Variants in RNF150 observed in about 807,000 individuals in gnomAD.
RNF150 encodes ring finger protein 150.
A neutral mutation model predicts 39.3 loss-of-function variants in RNF150; 24 were observed. That is an observed-to-expected ratio of 0.61 (90% CI 0.44 to 0.86). The LOEUF is 0.86. Among genes scored for constraint, RNF150 ranks in the 40% least tolerant of loss-of-function variants. The pLI, the probability that RNF150 is intolerant of heterozygous loss-of-function variation, is 0.00. For missense variants in RNF150, 502 were observed against 587.8 expected (o/e 0.85, Z 1.51); for synonymous variants, 255 against 227.3 (o/e 1.12, Z -1.10).
chr4:141,170,258 T>A (rs913630864), intron 1 of RNF150, among the ~76,000 whole-genome samples: 6 of 152,216 alleles, frequency 3.9e-5, no homozygotes, highest in Non-Finnish European at 5.9e-5. Context: ...TGACGAATGC[T>A]CTTTGGACCA....
intron 1 of RNF150, among the ~76,000 whole-genome samples, chr4:141,175,266 T>G (rs947266534): frequency 6.6e-6 from 1 of 152,206 alleles, no homozygotes; most frequent in South Asian, 2.1e-4. Flanking sequence ...TTTGTTGAGC[T>G]CCTATTATAT....
chr4:140,945,583 AC>A (rs1223445856), intron 4 of RNF150, among the ~76,000 whole-genome samples: 14 of 148,194 alleles, frequency 9.4e-5, no homozygotes, highest in East Asian at 1.9e-4. Flanking sequence ...ACATATATAT[AC>A]TACATATATA....
chr4:141,054,664 T>C (rs73851903), intron 1 of RNF150, among the ~76,000 whole-genome samples: 2,004 of 152,230 alleles, frequency 0.013, 44 homozygotes, highest in African/African-American at 0.046. Flanking sequence ...TACAAGTTAA[T>C]GTGCTGATGG....
At chr4:140,958,422 G>C (rs571627133) in intron 2 of RNF150, among the ~76,000 whole-genome samples, 1 of 152,192 alleles carries the variant, frequency 6.6e-6, no homozygotes, top group Non-Finnish European at 1.5e-5. Flanking sequence ...CCTGGGTTAG[G>C]TCTCTGCACC....
rs1162955483 is a variant in RNF150 at position 140,861,876 on chromosome 4, GC to G, written c.*6384del. 6.6e-6 allele frequency: 1 copy of G among 152,118 alleles called. No homozygotes were observed. Among genetic ancestry groups the G allele is most frequent in the African/African-American group, 2.4e-5 (1 of 41,418 alleles). 9.4% of individuals were successfully genotyped at this position (152,118 alleles called of 1,614,324 possible). On this transcript the variant is annotated 3_prime_UTR_variant, in exon 7 of 7. Transcript: ENST00000515673. ...ACTTTAAAGATGGTGTGGTACTAAG[GC>G]CACAATTCATTTTTTAGATTTCGGG...
chr4:141,009,635 T>C (rs1289986338), intron 1 of RNF150, among the ~76,000 whole-genome samples: 1 of 152,214 alleles, frequency 6.6e-6, no homozygotes, highest in African/African-American at 2.4e-5. Flanking sequence ...CTACCCATTG[T>C]CATCCTATTT....
At chr4:140,940,519 C>T (rs1318087928) in intron 4 of RNF150, among the ~76,000 whole-genome samples, 1 of 151,828 alleles carries the variant, frequency 6.6e-6, no homozygotes, top group Non-Finnish European at 1.5e-5. Flanking sequence ...CATGGAAAAC[C>T]CATGTTTATT....
At chr4:140,977,223 G>A (rs554478814) in intron 1 of RNF150, among the ~76,000 whole-genome samples, 1 of 152,196 alleles carries the variant, frequency 6.6e-6, no homozygotes, top group East Asian at 1.9e-4. Context: ...CTGCATCTGT[G>A]CCTCCTTCTC....
chr4:141,211,097 G>GA (rs1469906865), intron 1 of RNF150, among the ~76,000 whole-genome samples: 1 of 152,124 alleles, frequency 6.6e-6, no homozygotes, highest in Non-Finnish European at 1.5e-5. Context: ...GTATATGAAA[G>GA]AAAAACCACC....
chr4:141,151,135 G>A (rs937976617), intron 1 of RNF150, among the ~76,000 whole-genome samples: 4 of 151,686 alleles, frequency 2.6e-5, no homozygotes, highest in Non-Finnish European at 4.4e-5. Flanking sequence ...TAGAGGATGG[G>A]GTCTCATTTT....
intron 1 of RNF150, among the ~76,000 whole-genome samples, chr4:141,008,862 C>CTTT (rs1389010719): frequency 1.3e-5 from 2 of 152,102 alleles, no homozygotes; most frequent in Non-Finnish European, 2.9e-5. Context: ...TCTTCTTCTT[C>CTTT]TTCAGCATTA....
chr4:140,919,959 G>T (rs1731036202), intron 5 of RNF150, among the ~76,000 whole-genome samples: 1 of 152,114 alleles, frequency 6.6e-6, no homozygotes. Context: ...TTTAATAAAT[G>T]GTGCTGGGAA....
At chr4:141,002,736 C>G (rs1399352266) in intron 1 of RNF150, among the ~76,000 whole-genome samples, 1 of 152,152 alleles carries the variant, frequency 6.6e-6, no homozygotes, top group African/African-American at 2.4e-5. Context: ...AAGTGACGAG[C>G]TGCAGGGGGA....
chr4:141,008,205 A>G (rs538056723), intron 1 of RNF150, among the ~76,000 whole-genome samples: 1 of 152,356 alleles, frequency 6.6e-6, no homozygotes, highest in South Asian at 2.1e-4. Flanking sequence ...TTCTATTAGC[A>G]TCATTTCAAA....
chr4:141,179,326 T>C (rs1727865972), intron 1 of RNF150, among the ~76,000 whole-genome samples: 1 of 152,224 alleles, frequency 6.6e-6, no homozygotes, highest in African/African-American at 2.4e-5. Context: ...TTATTCCTTA[T>C]CAATTTAGGT....
intron 5 of RNF150, among the ~76,000 whole-genome samples, chr4:140,912,804 A>G (rs1442776989): frequency 6.6e-6 from 1 of 152,232 alleles, no homozygotes; most frequent in Non-Finnish European, 1.5e-5. Flanking sequence ...AAGTCGATTC[A>G]TAGAATGACC....
At chr4:141,136,202 G>A (rs1350997351), upstream of RNF150, among the ~76,000 whole-genome samples, 6 of 152,158 alleles carry the variant, frequency 3.9e-5, no homozygotes, top group Non-Finnish European at 1.5e-5. Flanking sequence ...GAAATTGGTA[G>A]ATTGGATGGT....
At chr4:141,015,626 A>G (rs975597088) in intron 1 of RNF150, among the ~76,000 whole-genome samples, 4 of 152,108 alleles carry the variant, frequency 2.6e-5, no homozygotes, top group East Asian at 1.9e-4. Context: ...TACTGAATTC[A>G]TTTATCAGTC....
intron 1 of RNF150, among the ~76,000 whole-genome samples, chr4:141,093,434 T>C (rs1357166734): frequency 2.0e-5 from 3 of 149,534 alleles, no homozygotes; most frequent in South Asian, 2.1e-4. Flanking sequence ...TGCTCTGAAA[T>C]AGAAAAACAA....
Sources: allele counts gnomAD v4.1 joint callset (sites outside exome capture counted in the v4.1 genomes callset), GRCh38; gene constraint gnomAD v4.1.1; transcripts MANE v1.5; gene names NCBI Gene and HGNC (gene_info 2026-07-23, HGNC 2026-07-21).